Variants in PDZRN3 observed in about 807,000 individuals in gnomAD.
PDZRN3 encodes the protein PDZ domain containing ring finger 3.
In PDZRN3, 38 loss-of-function variants were observed where a neutral mutation model predicts 85.7. The observed-to-expected ratio is 0.44, with a 90% confidence interval of 0.34 to 0.58. The LOEUF (loss-of-function observed/expected upper bound fraction) is 0.58, where lower values mean the gene tolerates loss of function less well. Among genes scored for constraint, PDZRN3 ranks in the 20% least tolerant of loss-of-function variants. PDZRN3 has a pLI of 0.01. For synonymous variants in PDZRN3, 759 were observed against 638.0 expected, an observed-to-expected ratio of 1.19 and a Z score of -2.86; for missense variants, 1,629 against 1,506.4, an observed-to-expected ratio of 1.08 and a Z score of -1.35.
chr3:73,454,079 C>A (rs1217082848), intron 3 of PDZRN3, among the ~76,000 whole-genome samples: 1 of 152,188 alleles, frequency 6.6e-6, no homozygotes, highest in African/African-American at 2.4e-5. Flanking sequence ...CAGATCACAG[C>A]AAGCTATTCC....
At chr3:73,566,686 G>A (rs550123858) in intron 3 of PDZRN3, among the ~76,000 whole-genome samples, 2 of 152,090 alleles carry the variant, frequency 1.3e-5, no homozygotes, top group Non-Finnish European at 2.9e-5. Context: ...GTAATTTATG[G>A]CCCATAATAG....
chr3:73,466,414 A>C (rs535364111), intron 3 of PDZRN3, among the ~76,000 whole-genome samples: 1 of 152,230 alleles, frequency 6.6e-6, no homozygotes, highest in African/African-American at 2.4e-5. Context: ...AACAAAAGCA[A>C]GACACTCACG....
intron 3 of PDZRN3, among the ~76,000 whole-genome samples, chr3:73,498,941 G>A (rs1214572186): frequency 1.3e-5 from 2 of 152,114 alleles, no homozygotes; most frequent in Non-Finnish European, 2.9e-5. Context: ...TGTGCGGGTC[G>A]CTGGTCAGGC....
intron 2 of PDZRN3, among the ~76,000 whole-genome samples, chr3:73,607,605 C>G (rs1702621350): frequency 6.6e-6 from 1 of 152,330 alleles, no homozygotes; most frequent in Non-Finnish European, 1.5e-5. Flanking sequence ...CTGTTTACTA[C>G]TATCTCCTCT....
intron 3 of PDZRN3, among the ~76,000 whole-genome samples, chr3:73,478,454 A>G (rs984280405): frequency 1.3e-5 from 2 of 152,144 alleles, no homozygotes; most frequent in African/African-American, 2.4e-5. Flanking sequence ...CATCACCCCC[A>G]GATGAGACCA....
intron 3 of PDZRN3, among the ~76,000 whole-genome samples, chr3:73,558,861 C>G (rs1045534313): frequency 6.6e-6 from 1 of 152,206 alleles, no homozygotes; most frequent in African/African-American, 2.4e-5. Context: ...CAGGAACAGC[C>G]CAGAGCTGCA....
chr3:73,428,776 A>T (rs889091067), intron 3 of PDZRN3, among the ~76,000 whole-genome samples: 3 of 152,246 alleles, frequency 2.0e-5, no homozygotes, highest in African/African-American at 7.2e-5. Flanking sequence ...ATTAACAAGA[A>T]AACAACAGTT....
intron 3 of PDZRN3, among the ~76,000 whole-genome samples, chr3:73,417,270 T>G (rs1316424810): frequency 3.3e-5 from 5 of 152,198 alleles, no homozygotes; most frequent in Admixed American, 3.3e-4. Context: ...ATTATGCAAA[T>G]TTTGATAATT....
intron 1 of PDZRN3, among the ~76,000 whole-genome samples, chr3:73,619,496 T>C (rs1196148117): frequency 6.6e-6 from 1 of 152,164 alleles, no homozygotes; most frequent in East Asian, 1.9e-4. Flanking sequence ...AGAACCATTG[T>C]CTAGTGATAA....
intron 3 of PDZRN3, among the ~76,000 whole-genome samples, chr3:73,553,576 T>TA (rs5850118): frequency 0.49 from 66,311 of 136,552 alleles, 16,277 homozygotes; most frequent in East Asian, 0.58. Context: ...AGACTCCATC[T>TA]AAAAAAAAAA....
In PDZRN3 at chr3:73,385,104, G is replaced by A. The variant is rs575806279; in HGVS notation, c.1636-174C>T. Among the ~76,000 whole-genome samples, 6 of 152,326 alleles carry A rather than the reference G, an allele frequency of 3.9e-5. No homozygotes were observed. The South Asian group carries it at 8.3e-4, about 21-fold the overall frequency. On this transcript the variant is annotated intron_variant, in intron 9 of 9. Coordinates refer to ENST00000263666, the MANE Select transcript of PDZRN3 (RefSeq NM_015009.3). ...GCGTGGGCCTTAGCTACACCTACCC[G>A]TATCTACCTGGGCAAGTCACTTATT...
At position 73,487,347 on chromosome 3, in the gene PDZRN3, G is replaced by A. The variant is rs146056740; in HGVS notation, c.919-82952C>T. ...AGGAAGCAAATGATTTTTTACCTCT[G>A]GGGGGAAAAGCCACCAATATAAGTA... On this transcript the variant is annotated intron_variant, in intron 3 of 9. Coordinates refer to ENST00000263666, the MANE Select transcript of PDZRN3 (RefSeq NM_015009.3). 5.9e-5 allele frequency among the ~76,000 whole-genome samples: 9 copies of A among 152,146 alleles called. No individual in the cohort carries two copies. The East Asian group carries it at 1.7e-3, about 29-fold the overall frequency.
At chr3:73,475,173 G>T (rs1233083778) in intron 3 of PDZRN3, among the ~76,000 whole-genome samples, 2 of 152,220 alleles carry the variant, frequency 1.3e-5, no homozygotes, top group East Asian at 3.9e-4. Flanking sequence ...TGAGGCAAGG[G>T]CCTTCATTTT....
chr3:73,486,818 T>C (rs1357831009), intron 3 of PDZRN3, among the ~76,000 whole-genome samples: 1 of 152,188 alleles, frequency 6.6e-6, no homozygotes, highest in Non-Finnish European at 1.5e-5. Flanking sequence ...TCATCGGACA[T>C]ATCAAAGGTC....
In PDZRN3 at chr3:73,624,924, G is replaced by A. The variant is rs1014358707; in HGVS notation, c.-99C>T. ...GGCCGGCTACGCCGCCCGCGCGCTCGCTGGCTCTCCCCGGACTGAGCCTAA... is the reference window on the plus strand; with the variant it reads ...GGCCGGCTACGCCGCCCGCGCGCTCACTGGCTCTCCCCGGACTGAGCCTAA... On this transcript the variant is annotated 5_prime_UTR_variant, in exon 1 of 10. Transcript: ENST00000263666. 24 of 938,394 alleles carry A rather than the reference G, an allele frequency of 2.6e-5. No individual in the cohort carries two copies. The highest frequency in any genetic ancestry group is 1.3e-4 in the Admixed American group (3 of 22,782). 58.1% of individuals were successfully genotyped at this position (938,394 alleles called of 1,614,324 possible). A position where few individuals can be genotyped will look rare whatever the true frequency, so the allele number is the denominator to read the frequency against.
intron 3 of PDZRN3, among the ~76,000 whole-genome samples, chr3:73,586,965 G>T (rs1702286878): frequency 6.6e-6 from 1 of 152,194 alleles, no homozygotes; most frequent in African/African-American, 2.4e-5. Flanking sequence ...GACAGGAAGA[G>T]GAGATTATTT....
In PDZRN3 at chr3:73,494,870, C is replaced by T. The variant is rs1703837471; in HGVS notation, c.919-90475G>A. On this transcript the variant is annotated intron_variant, in intron 3 of 9. Coordinates refer to ENST00000263666, the MANE Select transcript of PDZRN3 (RefSeq NM_015009.3). Reference sequence around the variant, plus strand: ...GTATAGAAGATATAGCTTACTTTTCCAACACCCAATCGAGAAAACATGTAA... The same window carrying T: ...GTATAGAAGATATAGCTTACTTTTCTAACACCCAATCGAGAAAACATGTAA... Among the ~76,000 whole-genome samples the T allele has an allele frequency of 2.0e-5, 3 of 152,118 alleles. No individual in the cohort carries two copies. In the East Asian group the frequency reaches 5.8e-4, roughly 29 times the overall value.
chr3:73,416,066 G>T lies in PDZRN3; in HGVS notation c.919-11671C>A, dbSNP rs113143970. On this transcript the variant is annotated intron_variant, in intron 3 of 9. Coordinates refer to ENST00000263666, the MANE Select transcript of PDZRN3 (RefSeq NM_015009.3). ...ATCCACAAGATTAAGGGTTTTTTTT[G>T]TTTGTTTGTTTGTTTTTCCTTCTGT... 6.1e-3 allele frequency among the ~76,000 whole-genome samples: 904 copies of T among 148,018 alleles called. 4 individuals carry two copies. The highest frequency in any genetic ancestry group is 9.9e-3 in the Non-Finnish European group (662 of 67,112).
In PDZRN3 at chr3:73,461,916, C is replaced by T. The variant is rs1442107526; in HGVS notation, c.919-57521G>A. 2.6e-5 allele frequency among the ~76,000 whole-genome samples: 4 copies of T among 152,316 alleles called. No homozygotes were observed. The South Asian group carries it at 6.2e-4, about 24-fold the overall frequency. ...TCATCTCCCAGATACTCTCGGGTGACACTGTAGCTAGAGTAATGAAGAAAA... is the reference window on the plus strand; with the variant it reads ...TCATCTCCCAGATACTCTCGGGTGATACTGTAGCTAGAGTAATGAAGAAAA... On this transcript the variant is annotated intron_variant, in intron 3 of 9. Transcript: ENST00000263666.
Sources: gnomAD v4.1 joint callset for allele counts (sites outside exome capture counted in the v4.1 genomes callset) on GRCh38, gnomAD v4.1.1 for gene constraint, MANE v1.5 for transcripts, NCBI Gene and HGNC (gene_info 2026-07-23, HGNC 2026-07-21) for gene names.